Variants in MGAT4C observed in about 807,000 individuals in gnomAD.
The protein encoded by MGAT4C is MGAT4 family member C.
Under a neutral mutation model 40.1 loss-of-function variants are expected in MGAT4C, and 19 were observed. The ratio of observed to expected loss-of-function variants is 0.47; its 90% confidence interval spans 0.33 to 0.70. The LOEUF is 0.70. Among genes scored for constraint, MGAT4C ranks in the 30% least tolerant of loss-of-function variants. The probability of loss-of-function intolerance (pLI) is 0.02; values close to 1 mark genes in which losing one functional copy is unlikely to be tolerated. For synonymous variants in MGAT4C, 181 were observed against 187.1 expected (o/e 0.97, Z 0.27); for missense variants, 491 against 563.2 (o/e 0.87, Z 1.30).
chr12:86,716,298 C>A (rs914625791), intron 2 of MGAT4C, among the ~76,000 whole-genome samples: 2 of 151,964 alleles, frequency 1.3e-5, no homozygotes, highest in African/African-American at 2.4e-5. Context: ...AGAAATAAAC[C>A]ATTTTGGTGG....
intron 2 of MGAT4C, among the ~76,000 whole-genome samples, chr12:86,512,199 C>A (rs1177071392): frequency 6.6e-6 from 1 of 151,880 alleles, no homozygotes; most frequent in East Asian, 1.9e-4. Flanking sequence ...CAGGGAAATC[C>A]AAATCAAACT....
chr12:86,558,310 TTTCAAGTCTTA>T (rs1959707611), intron 2 of MGAT4C, among the ~76,000 whole-genome samples: 2 of 152,122 alleles, frequency 1.3e-5, no homozygotes, highest in South Asian at 4.1e-4. Context: ...TTTAAAAACA[TTTCAAGTCTTA>T]CAAGTGATAT....
intron 1 of MGAT4C, among the ~76,000 whole-genome samples, chr12:86,136,039 G>A (rs1881897407): frequency 6.6e-6 from 1 of 152,068 alleles, no homozygotes; most frequent in African/African-American, 2.4e-5. Flanking sequence ...TATTATTACT[G>A]GAGAATTAGT....
chr12:86,099,961 A>G (rs1874665218), intron 1 of MGAT4C, among the ~76,000 whole-genome samples: 1 of 151,430 alleles, frequency 6.6e-6, no homozygotes, highest in South Asian at 2.1e-4. Flanking sequence ...TTCTCATTTC[A>G]TCTATATTAG....
chr12:86,015,185 G>C (rs935878014), intron 2 of MGAT4C, among the ~76,000 whole-genome samples: 3 of 150,164 alleles, frequency 2.0e-5, no homozygotes, highest in Non-Finnish European at 4.4e-5. Flanking sequence ...AGTAAGAATG[G>C]TTACATTAAA....
intron 2 of MGAT4C, among the ~76,000 whole-genome samples, chr12:86,572,991 CA>C (rs1002915880): frequency 6.6e-5 from 10 of 151,960 alleles, no homozygotes; most frequent in Admixed American, 2.0e-4. Flanking sequence ...TAACTGCATC[CA>C]ATCTAGGATG....
At chr12:85,996,150 C>T (rs994672306) in intron 2 of MGAT4C, among the ~76,000 whole-genome samples, 3 of 151,294 alleles carry the variant, frequency 2.0e-5, no homozygotes, top group African/African-American at 7.3e-5. Flanking sequence ...TGAAACTAAT[C>T]AGAGAGAAAA....
At chr12:86,368,778 T>C (rs1955659444) in intron 3 of MGAT4C, among the ~76,000 whole-genome samples, 1 of 127,806 alleles carries the variant, frequency 7.8e-6, no homozygotes. Flanking sequence ...CTTAAATTTA[T>C]TAAAAGTTAT....
chr12:86,141,443 A>C, intron 1 of MGAT4C, among the ~76,000 whole-genome samples: 1 of 152,202 alleles, frequency 6.6e-6, no homozygotes, highest in East Asian at 1.9e-4. Context: ...TGAGTGAAGA[A>C]CTGCTTGATT....
At chr12:86,766,421 A>C (rs575525775) in intron 1 of MGAT4C, among the ~76,000 whole-genome samples, 44 of 152,292 alleles carry the variant, frequency 2.9e-4, no homozygotes, top group Non-Finnish European at 4.9e-4. Context: ...TAATAATGGG[A>C]GACTTTAACA....
intron 1 of MGAT4C, among the ~76,000 whole-genome samples, chr12:86,229,126 CAAAT>C (rs139257527): frequency 0.014 from 2,112 of 151,784 alleles, 40 homozygotes; most frequent in African/African-American, 0.049. Context: ...AATTAGAAGA[CAAAT>C]AAATAACAAA....
chr12:86,798,346 C>T (rs934904244), intron 1 of MGAT4C, among the ~76,000 whole-genome samples: 2 of 151,948 alleles, frequency 1.3e-5, no homozygotes, highest in Non-Finnish European at 2.9e-5. Context: ...TTCTTCCCAT[C>T]TTCCTCTTTA....
chr12:86,213,665 T>G (rs560426094), intron 1 of MGAT4C, among the ~76,000 whole-genome samples: 11 of 152,226 alleles, frequency 7.2e-5, no homozygotes, highest in African/African-American at 2.4e-4. Flanking sequence ...ATGCTAGCCA[T>G]TTTTATATAA....
At chr12:86,558,450 C>T (rs1187977551) in intron 2 of MGAT4C, among the ~76,000 whole-genome samples, 1 of 152,032 alleles carries the variant, frequency 6.6e-6, no homozygotes, top group Admixed American at 6.6e-5. Context: ...GTTATAATAA[C>T]AGCAAGAGAA....
intron 1 of MGAT4C, among the ~76,000 whole-genome samples, chr12:86,156,088 C>T (rs554785576): frequency 2.6e-5 from 4 of 152,290 alleles, no homozygotes; most frequent in Admixed American, 6.5e-5. Flanking sequence ...TACATGTACA[C>T]ATATATAAAC....
chr12:86,038,719 T>C (rs1034398520), intron 2 of MGAT4C, among the ~76,000 whole-genome samples: 1 of 149,898 alleles, frequency 6.7e-6, no homozygotes, highest in Non-Finnish European at 1.5e-5. Flanking sequence ...AATTGTGGCA[T>C]TTAGCCCATT....
At chr12:86,766,009 AC>A (rs1951500783) in intron 1 of MGAT4C, among the ~76,000 whole-genome samples, 1 of 152,212 alleles carries the variant, frequency 6.6e-6, no homozygotes, top group Admixed American at 6.5e-5. Flanking sequence ...TCAAATTCAC[AC>A]ATAACAATAT....
intron 3 of MGAT4C, among the ~76,000 whole-genome samples, chr12:86,335,315 C>T (rs1954759852): frequency 6.6e-6 from 1 of 152,066 alleles, no homozygotes; most frequent in South Asian, 2.1e-4. Flanking sequence ...CTTCTCTCTG[C>T]ACCTTGCTAG....
chr12:86,388,947 G>C (rs1403509296), intron 3 of MGAT4C, among the ~76,000 whole-genome samples: 1 of 152,042 alleles, frequency 6.6e-6, no homozygotes, highest in Non-Finnish European at 1.5e-5. Flanking sequence ...GCCTCCCAAA[G>C]TGCTGAGATT....
Sources: gnomAD v4.1 joint callset for allele counts (sites outside exome capture counted in the v4.1 genomes callset) on GRCh38, gnomAD v4.1.1 for gene constraint, MANE v1.5 for transcripts, NCBI Gene and HGNC (gene_info 2026-07-23, HGNC 2026-07-21) for gene names.